The following IL16 variants were observed in gnomAD, a reference collection of about 807,000 sequenced individuals.
IL16 encodes the protein pro-interleukin-16.
In IL16, 67 loss-of-function variants were observed where a neutral mutation model predicts 110.1. The observed-to-expected ratio is 0.61, with a 90% CI of 0.50 to 0.75. The LOEUF is 0.75. Ranked by LOEUF, IL16 falls within the 30% of genes least tolerant of loss-of-function variation. IL16 has a pLI of 0.00. For synonymous variants in IL16, 689 were observed against 662.9 expected (o/e 1.04, Z -0.61); for missense variants, 1,545 against 1,655.0 (o/e 0.93, Z 1.15).
At chr15:81,273,369 G>A (rs1035747550) in intron 6 of IL16, among the ~76,000 whole-genome samples, 165 bp downstream of exon 6, 8 of 152,156 alleles carry the variant, frequency 5.3e-5, no homozygotes, top group Non-Finnish European at 1.2e-4. Context: ...CAGCTCCCCC[G>A]AGGGGGTCTT....
intron 12 of IL16, among the ~76,000 whole-genome samples, chr15:81,294,861 A>T (rs1196357170): frequency 3.3e-5 from 5 of 152,056 alleles, no homozygotes; most frequent in African/African-American, 1.2e-4. Flanking sequence ...ATTCCTGGGG[A>T]TTTCTCACTG....
rs1033694248 is a variant in IL16, at chr15:81,300,056, A to C, written c.2730A>C (p.Ala910=). ...PEQVLSSGSP[A]ASEARDPGVS... Reference sequence around the variant, plus strand: ...AAGTACTGTCCTCGGGGTCCCCTGCAGCCTCCGAGGCCAGAGACCCAGGTG... The same window carrying C: ...AAGTACTGTCCTCGGGGTCCCCTGCCGCCTCCGAGGCCAGAGACCCAGGTG... The change falls in exon 14 of 19, where the codon GCA becomes GCC. Residue 910 remains alanine, a synonymous_variant. Transcript: ENST00000683961. 1.9e-6 allele frequency: 3 copies of C among 1,566,616 alleles called. No individual in the cohort carries two copies. The highest frequency in any genetic ancestry group is 3.8e-5 in the Admixed American group (2 of 53,310).
At chr15:81,275,359 AGGGGGG>A (rs796741900) in intron 6 of IL16, among the ~76,000 whole-genome samples, 1 of 9,834 alleles carries the variant, frequency 1.0e-4, no homozygotes, top group Admixed American at 1.2e-3. Flanking sequence ...ACGGGGGAGG[AGGGGGG>A]GGAGGGGAGG....
intron 3 of IL16, among the ~76,000 whole-genome samples, chr15:81,264,599 GC>G (rs1272973724): frequency 7.2e-5 from 11 of 152,118 alleles, no homozygotes; most frequent in Non-Finnish European, 1.6e-4. Context: ...TTTCACAAAA[GC>G]CTGTCCATTC....
In IL16 at chr15:81,296,939, G is replaced by A. The variant is rs940541977; in HGVS notation, c.1914G>A (p.Glu638=). ...TGTTTACACCACAGGAAGCGAGAGA[G>A]CTGCTGCCACTGCTGCTACCACAGG... The part of the protein sequence containing the change: ...TPPTCGQEAR[E]LLPLLLPQED... The change falls in exon 13 of 19, where the codon GAG becomes GAA. Residue 638 remains glutamate (E), a synonymous_variant. Transcript: ENST00000683961. The A allele has an allele frequency of 3.1e-6, 5 of 1,611,394 alleles. No homozygotes were observed. Among genetic ancestry groups the A allele is most frequent in the Non-Finnish European group, 4.2e-6 (5 of 1,178,842 alleles).
intron 3 of IL16, among the ~76,000 whole-genome samples, chr15:81,260,860 T>G (rs1382851472): frequency 6.6e-6 from 1 of 150,500 alleles, no homozygotes; most frequent in African/African-American, 2.5e-5. Flanking sequence ...GTTACTTGCT[T>G]TTTTATCATC....
intron 2 of IL16, among the ~76,000 whole-genome samples, chr15:81,238,538 A>G (rs1897247505): frequency 6.6e-6 from 1 of 152,158 alleles, no homozygotes; most frequent in Non-Finnish European, 1.5e-5. Context: ...ACTTATATTT[A>G]GATCACTTTA....
At chr15:81,221,805 C>T (rs1404727618) in intron 1 of IL16, among the ~76,000 whole-genome samples, 2 of 152,194 alleles carry the variant, frequency 1.3e-5, no homozygotes, top group Non-Finnish European at 2.9e-5. Flanking sequence ...TGCCATCCCA[C>T]ATGAGAGCCT....
intron 8 of IL16, 143 bp from the exon 9 acceptor site, chr15:81,282,496 T>C (rs1039840557): frequency 4.2e-5 from 29 of 689,192 alleles, no homozygotes; most frequent in Admixed American, 3.2e-4. Context: ...GAGCGGTGCC[T>C]GCACACAACG....
Position 81,225,639 on chromosome 15 carries a change from C to T in IL16, c.240C>T (p.Ala80=). The T allele has an allele frequency of 6.2e-7, 1 of 1,614,066 alleles. No individual in the cohort carries two copies. ...GPSSVPDLAL[A]SEAAQLQAAG... Reference sequence around the variant, plus strand: ...GCAGTGTTCCTGATCTAGCACTGGCCTCGGAGGCTGCTCAACTCCAAGCAG... The same window carrying T: ...GCAGTGTTCCTGATCTAGCACTGGCTTCGGAGGCTGCTCAACTCCAAGCAG... Residue 80 remains alanine (A), a synonymous_variant, in exon 2 of 19, where the codon GCC becomes GCT. Coordinates refer to ENST00000683961, the MANE Select transcript of IL16 (RefSeq NM_172217.5).
rs1900395558 is a variant in IL16, at chr15:81,303,474, C to T, written c.3319-75C>T. ...CTGGGGTTTGAGATAACAAATCAGTCTGATGTCAGTCCGATGTTAAATTGT... is the reference window on the plus strand; with the variant it reads ...CTGGGGTTTGAGATAACAAATCAGTTTGATGTCAGTCCGATGTTAAATTGT... On this transcript the variant is annotated intron_variant, in intron 15 of 18. Coordinates refer to ENST00000683961, the MANE Select transcript of IL16 (RefSeq NM_172217.5). The surrounding 1 kb of genome is among the most constrained non-coding windows in gnomAD (Gnocchi z 4.1). 9.8e-7 allele frequency: 1 copy of T among 1,016,122 alleles called. No homozygotes were observed. Among genetic ancestry groups the T allele is most frequent in the Admixed American group, 1.9e-5 (1 of 52,392 alleles). 62.9% of individuals were successfully genotyped at this position (1,016,122 alleles called of 1,614,324 possible).
Position 81,303,656 on chromosome 15 carries a change from TG to T in IL16, c.3420+8del. On this transcript the variant is annotated splice_region_variant and intron_variant, in intron 16 of 18. Coordinates refer to ENST00000683961, the MANE Select transcript of IL16 (RefSeq NM_172217.5). The surrounding 1 kb of genome is among the most constrained non-coding windows in gnomAD (Gnocchi z 4.1). ...TAGAAAACAAGGTGATTACGGTGAG[TG>T]GCCAAGTGAAGGGGCATGTCACAGC... The T allele has an allele frequency of 6.3e-7, 1 of 1,591,996 alleles. No individual in the cohort carries two copies. Among genetic ancestry groups the T allele is most frequent in the Non-Finnish European group, 8.6e-7 (1 of 1,160,084 alleles).
intron 5 of IL16, among the ~76,000 whole-genome samples, 155 bp from the exon 6 acceptor site, chr15:81,272,935 T>C (rs1005581239): frequency 6.8e-6 from 1 of 146,938 alleles, no homozygotes; most frequent in Non-Finnish European, 1.5e-5. Flanking sequence ...TTGTTGTTGT[T>C]GTTGTTGTTA....
chr15:81,197,233 G>A, intron 1 of IL16, 81 bp downstream of exon 1: 3 of 967,776 alleles, frequency 3.1e-6, no homozygotes, highest in Non-Finnish European at 4.2e-6. Context: ...TGACCTGAAT[G>A]GGGAGGGTCT....
At position 81,292,580 on chromosome 15, in the gene IL16, G is replaced by T; in HGVS notation, c.1445G>T (p.Trp482Leu). ...LEGVKRLESSWHGRPTLEKER... is the reference protein window; with the variant it reads ...LEGVKRLESSLHGRPTLEKER... ...GGTGTCAAAAGGCTGGAAAGCAGTT[G>T]GCACGGGCGGCCCACCTTGGAGAAG... The change falls in exon 12 of 19, where the codon TGG becomes TTG. Residue 482 changes from tryptophan to leucine, a missense_variant. Transcript: ENST00000683961. 6.2e-7 allele frequency: 1 copy of T among 1,605,860 alleles called. No homozygotes were observed. Among genetic ancestry groups the T allele is most frequent in the African/African-American group, 1.3e-5 (1 of 74,914 alleles).
At chr15:81,243,143 GTATATATATA>G (rs1275444035) in intron 2 of IL16, among the ~76,000 whole-genome samples, 2 of 47,244 alleles carry the variant, frequency 4.2e-5, no homozygotes, top group Non-Finnish European at 7.1e-5. Flanking sequence ...AGCTATATAA[GTATATATATA>G]TATATATATA....
At chr15:81,247,702 T>TACCA (rs1251391424) in intron 2 of IL16, among the ~76,000 whole-genome samples, 2 of 152,128 alleles carry the variant, frequency 1.3e-5, no homozygotes, top group Non-Finnish European at 2.9e-5. Context: ...TCAGCGAAGA[T>TACCA]ACCAAAGTGC....
chr15:81,242,709 T>C (rs1043450090), intron 2 of IL16, among the ~76,000 whole-genome samples: 2 of 152,166 alleles, frequency 1.3e-5, no homozygotes, highest in African/African-American at 4.8e-5. Flanking sequence ...TTTTATTTTC[T>C]TTTGTTTCCT....
chr15:81,232,057 TTTTTTTTTTC>T (rs1897021502), intron 2 of IL16, among the ~76,000 whole-genome samples: 1 of 130,312 alleles, frequency 7.7e-6, no homozygotes, highest in Non-Finnish European at 1.7e-5. Context: ...TTTTTTTTTT[TTTTTTTTTTC>T]TTTTTTTTTT....
Sources: gnomAD v4.1 joint callset for allele counts (sites outside exome capture counted in the v4.1 genomes callset) on GRCh38, gnomAD v4.1.1 for gene constraint, Gnocchi (gnomAD v3.1) non-coding constraint, MANE v1.5 for transcripts, NCBI Gene and HGNC (gene_info 2026-07-23, HGNC 2026-07-21) for gene names.